RANBP2: variants seen among roughly 807,000 people sequenced by gnomAD.
RANBP2 encodes the protein RAN binding protein 2, also known as E3 SUMO-protein ligase RanBP2.
In RANBP2, 57 loss-of-function variants were observed where a neutral mutation model predicts 303.6. That is an observed-to-expected ratio of 0.19 (90% CI 0.15 to 0.23). RANBP2 has a LOEUF of 0.23. Ranked by LOEUF, RANBP2 falls within the 10% of genes least tolerant of loss-of-function variation. The pLI is 1.00. For synonymous variants in RANBP2, 1,167 were observed against 1,301.5 expected, an observed-to-expected ratio of 0.90 and a Z score of 2.23; for missense variants, 3,138 against 3,780.8, an observed-to-expected ratio of 0.83 and a Z score of 4.46.
the RANBP2 span, chr2:109,760,158 T>G: frequency 1.4e-5 from 2 of 141,142 alleles, no homozygotes; most frequent in Admixed American, 1.4e-4. Context: ...TGCGGGAAAC[T>G]TTGGGGAAGG....
At chr2:108,951,011 G>T in the RANBP2 span, among the ~76,000 whole-genome samples, 104 of 152,348 alleles carry the variant, frequency 6.8e-4, no homozygotes, top group African/African-American at 2.4e-3. Context: ...GCATCTGGGA[G>T]CACTGATGCT....
At position 108,758,531 on chromosome 2, in the gene RANBP2, A is replaced by G. The variant is rs773615555; in HGVS notation, c.2585A>G (p.His862Arg). 6.2e-7 allele frequency: 1 copy of G among 1,611,352 alleles called. No homozygotes were observed. Among genetic ancestry groups the G allele is most frequent in the African/African-American group, 1.3e-5 (1 of 74,604 alleles). The stretch of plus-strand genomic sequence containing the variant: ...GGATATCAGGGGTCACAGACATTTC[A>G]TGGGGCTCCACTAACAGGTGAGCTG... ...PDGYQGSQTF[H>R]GAPLTVATTG... The change falls in exon 18 of 29, where the codon CAT becomes CGT. Residue 862 changes from histidine (H) to arginine (R), a missense_variant. Physicochemically the swap from His to Arg is conservative, Grantham distance 29 (BLOSUM62 0). This residue lies in a region of RANBP2 where 26 missense variants were observed against 58.0 expected (regional missense o/e 0.45). Transcript: ENST00000283195.
At chr2:109,657,079 C>A in the RANBP2 span, among the ~76,000 whole-genome samples, 1 of 152,126 alleles carries the variant, frequency 6.6e-6, no homozygotes, top group Non-Finnish European at 1.5e-5. Flanking sequence ...TTAGAAACAA[C>A]CTCTGGATTC....
chr2:109,381,822 G>T, the RANBP2 span, among the ~76,000 whole-genome samples: 1 of 152,084 alleles, frequency 6.6e-6, no homozygotes, highest in African/African-American at 2.4e-5. Context: ...GTGTTACATA[G>T]TAGAATCAGA....
the RANBP2 span, among the ~76,000 whole-genome samples, chr2:109,467,302 C>A: frequency 6.6e-6 from 1 of 152,296 alleles, no homozygotes; most frequent in South Asian, 2.1e-4. Flanking sequence ...CACCACCCAG[C>A]AAGAAAAAGA....
chr2:108,851,953 A>G, the RANBP2 span, among the ~76,000 whole-genome samples: 1 of 152,212 alleles, frequency 6.6e-6, no homozygotes, highest in Non-Finnish European at 1.5e-5. Flanking sequence ...TACAATCTGC[A>G]TTTGACAGAG....
chr2:109,386,815 T>A, the RANBP2 span, among the ~76,000 whole-genome samples: 1 of 152,176 alleles, frequency 6.6e-6, no homozygotes, highest in Non-Finnish European at 1.5e-5. Context: ...AAAAAATGAC[T>A]GCATTCTCAC....
the RANBP2 span, among the ~76,000 whole-genome samples, chr2:109,479,949 C>T: frequency 6.6e-6 from 1 of 152,150 alleles, no homozygotes; most frequent in Non-Finnish European, 1.5e-5. Flanking sequence ...CTGACAGCCC[C>T]TCTGCAGCCC....
At chr2:108,896,950 G>A in the RANBP2 span, 124 of 1,613,032 alleles carry the variant, frequency 7.7e-5, no homozygotes, top group South Asian at 1.8e-4. Context: ...CACAACCCCC[G>A]CCCACTCCAG....
chr2:109,005,968 G>C, the RANBP2 span, among the ~76,000 whole-genome samples: 26 of 152,280 alleles, frequency 1.7e-4, no homozygotes, highest in East Asian at 5.8e-4. Flanking sequence ...AAAGAGGAGA[G>C]GAAGCACAGA....
At chr2:109,543,153 G>C in the RANBP2 span, 2 of 152,558 alleles carry the variant, frequency 1.3e-5, no homozygotes, top group East Asian at 1.9e-4. Context: ...CCTGAAATAT[G>C]AATTATGTGC....
the RANBP2 span, among the ~76,000 whole-genome samples, chr2:109,022,822 G>A: frequency 1.8e-4 from 28 of 152,110 alleles, no homozygotes; most frequent in Non-Finnish European, 3.7e-4. Flanking sequence ...AGGCCGAGGT[G>A]GGTGGATCAC....
At chr2:108,725,098 C>A (rs1219197755) in intron 1 of RANBP2, among the ~76,000 whole-genome samples, 1 of 152,100 alleles carries the variant, frequency 6.6e-6, no homozygotes, top group African/African-American at 2.4e-5. Context: ...TCTTACTGTT[C>A]CTGTTTTCAG....
chr2:109,000,170 C>T, the RANBP2 span, among the ~76,000 whole-genome samples: 1 of 152,114 alleles, frequency 6.6e-6, no homozygotes, highest in African/African-American at 2.4e-5. Flanking sequence ...TAACGGTGTT[C>T]CAGATGAGGA....
At chr2:109,260,585 T>C in the RANBP2 span, among the ~76,000 whole-genome samples, 1 of 152,146 alleles carries the variant, frequency 6.6e-6, no homozygotes, top group South Asian at 2.1e-4. Context: ...CCCGATCTTG[T>C]ATGTGGAGTG....
At chr2:109,588,806 T>C in the RANBP2 span, among the ~76,000 whole-genome samples, 1 of 150,896 alleles carries the variant, frequency 6.6e-6, no homozygotes, top group South Asian at 2.1e-4. Context: ...ATTATATTAT[T>C]TGAAGGTTGG....
chr2:109,133,722 AT>A, the RANBP2 span, among the ~76,000 whole-genome samples: 84,247 of 128,904 alleles, frequency 0.65, 28,305 homozygotes, highest in Non-Finnish European at 0.8. Flanking sequence ...CCAAGGGACA[AT>A]TTTTTTTTTT....
the RANBP2 span, among the ~76,000 whole-genome samples, chr2:109,013,809 C>T: frequency 6.6e-6 from 1 of 152,190 alleles, no homozygotes; most frequent in Non-Finnish European, 1.5e-5. Flanking sequence ...GAACTCTTGA[C>T]CTCGTGATCT....
At chr2:109,263,370 T>A in the RANBP2 span, among the ~76,000 whole-genome samples, 1 of 152,222 alleles carries the variant, frequency 6.6e-6, no homozygotes, top group Non-Finnish European at 1.5e-5. Context: ...ATATCTGGAA[T>A]GTGTTTATTT....
Sources: gnomAD v4.1 joint callset for allele counts (sites outside exome capture counted in the v4.1 genomes callset) on GRCh38, gnomAD v4.1.1 for gene constraint, gnomAD v4.1.1 regional missense constraint, MANE v1.5 for transcripts, NCBI Gene and HGNC (gene_info 2026-07-23, HGNC 2026-07-21) for gene names.